The following TMEM131L variants were observed in gnomAD, a reference collection of about 807,000 sequenced individuals.
TMEM131L encodes the protein transmembrane 131 like, also known as transmembrane protein 131-like.
A neutral mutation model predicts 192.2 loss-of-function variants in TMEM131L; 54 were observed. The observed-to-expected ratio is 0.28, with a 90% CI of 0.23 to 0.35. The LOEUF (loss-of-function observed/expected upper bound fraction) is 0.35. Ranked by LOEUF, TMEM131L falls within the 10% of genes least tolerant of loss-of-function variation. The pLI, the probability that TMEM131L is intolerant of heterozygous loss-of-function variation, is 1.00. For synonymous variants in TMEM131L, 701 were observed against 704.9 expected (o/e 0.99, Z 0.09); for missense variants, 1,888 against 1,972.9 (o/e 0.96, Z 0.82).
chr4:153,501,860 C>T (rs1733629132), intron 3 of TMEM131L, among the ~76,000 whole-genome samples: 5 of 152,056 alleles, frequency 3.3e-5, no homozygotes, highest in Admixed American at 3.3e-4. Context: ...ATCTTCATTT[C>T]CCCTCCAGGA....
At chr4:153,554,915 A>G (rs1737881090) in intron 4 of TMEM131L, among the ~76,000 whole-genome samples, 1 of 152,220 alleles carries the variant, frequency 6.6e-6, no homozygotes, top group Non-Finnish European at 1.5e-5. Flanking sequence ...CCTTTATCAG[A>G]GCCGAGACAT....
chr4:153,598,282 T>C (rs1010728230), intron 20 of TMEM131L, among the ~76,000 whole-genome samples: 1 of 152,120 alleles, frequency 6.6e-6, no homozygotes. Flanking sequence ...TACCCTGGTT[T>C]CTAGTTATTA....
chr4:153,585,354 A>C, intron 12 of TMEM131L, 104 bp from the exon 13 acceptor site: 1 of 1,120,780 alleles, frequency 8.9e-7, no homozygotes, highest in Non-Finnish European at 1.3e-6. Flanking sequence ...GCTTTCATTT[A>C]GTAACGTTTT....
chr4:153,527,377 A>G (rs1426958662), intron 3 of TMEM131L, among the ~76,000 whole-genome samples: 1 of 151,950 alleles, frequency 6.6e-6, no homozygotes, highest in African/African-American at 2.4e-5. Context: ...GGTTCAAGCA[A>G]TTCTCCCACC....
At chr4:153,553,652 G>A (rs1737799646) in intron 4 of TMEM131L, among the ~76,000 whole-genome samples, 1 of 152,064 alleles carries the variant, frequency 6.6e-6, no homozygotes, top group Non-Finnish European at 1.5e-5. Flanking sequence ...TGTTGGCCTC[G>A]AGCAAATCCC....
chr4:153,624,892 C>T (rs1314666936), intron 29 of TMEM131L, among the ~76,000 whole-genome samples: 1 of 152,234 alleles, frequency 6.6e-6, no homozygotes, highest in African/African-American at 2.4e-5. Context: ...GTCTGAGAGA[C>T]TAGTGCAGTA....
chr4:153,521,477 T>A (rs1297414916), intron 3 of TMEM131L, among the ~76,000 whole-genome samples: 1 of 152,242 alleles, frequency 6.6e-6, no homozygotes. Context: ...AATACATTCC[T>A]GAAAACTGTT....
At chr4:153,499,953 T>A (rs79478191) in intron 3 of TMEM131L, among the ~76,000 whole-genome samples, 6 of 139,926 alleles carry the variant, frequency 4.3e-5, no homozygotes, top group African/African-American at 6.2e-5. Flanking sequence ...TTTACCTAAA[T>A]TTTTTTTTTT....
chr4:153,504,566 G>C (rs904567241), intron 3 of TMEM131L, among the ~76,000 whole-genome samples: 1 of 152,132 alleles, frequency 6.6e-6, no homozygotes, highest in Non-Finnish European at 1.5e-5. Flanking sequence ...GGGATTACAG[G>C]CGTGAGCCAC....
intron 3 of TMEM131L, among the ~76,000 whole-genome samples, chr4:153,477,035 G>C (rs1731589241): frequency 6.6e-6 from 1 of 152,184 alleles, no homozygotes; most frequent in Admixed American, 6.5e-5. Flanking sequence ...GTTGATATCA[G>C]GGTAGGGGGT....
At position 153,602,295 on chromosome 4, in the gene TMEM131L, C is replaced by A; in HGVS notation, c.2410C>A (p.Gln804Lys). Residue 804 changes from glutamine (Q) to lysine (K), a missense_variant, in exon 22 of 35, where the codon CAG (glutamine) becomes AAG (lysine). Gln to Lys is a moderately conservative substitution (Grantham distance 53, BLOSUM62 1). Transcript: ENST00000409959. ...GYGFEVLDCHQFSLDPNTSRD... is the reference protein window; with the variant it reads ...GYGFEVLDCHKFSLDPNTSRD... ...TGGATTCGAGGTGCTGGATTGTCATCAGTTTTCCCTGGACCCAAACACATC... is the reference window on the plus strand; with the variant it reads ...TGGATTCGAGGTGCTGGATTGTCATAAGTTTTCCCTGGACCCAAACACATC... 6.2e-7 allele frequency: 1 copy of A among 1,613,690 alleles called. No homozygotes were observed. The highest frequency in any genetic ancestry group is 1.1e-5 in the South Asian group (1 of 90,908).
intron 3 of TMEM131L, among the ~76,000 whole-genome samples, chr4:153,512,782 T>G (rs1734446764): frequency 6.6e-6 from 1 of 152,096 alleles, no homozygotes; most frequent in African/African-American, 2.4e-5. Context: ...CTCAGCTAAT[T>G]TTTTGTGTTT....
intron 14 of TMEM131L, 115 bp from the exon 15 acceptor site, chr4:153,587,627 G>GT (rs1337803686): frequency 1.3e-6 from 1 of 788,404 alleles, no homozygotes; most frequent in Non-Finnish European, 2.2e-6. Flanking sequence ...TTGGCTCGTG[G>GT]TTAAAGGGAA....
At chr4:153,505,359 A>G (rs574013255) in intron 3 of TMEM131L, among the ~76,000 whole-genome samples, 315 of 151,556 alleles carry the variant, frequency 2.1e-3, no homozygotes, top group African/African-American at 7.3e-3. Context: ...ACCCGCTTCA[A>G]CCTCCCAAAG....
At position 153,621,752 on chromosome 4, in the gene TMEM131L, C is replaced by G; in HGVS notation, c.3762C>G (p.Ile1254Met). ...AGAGGTCTGAGCTGAGCAGTGACAT[C>G]AATGTAAGAAGCTGGTGTATACAGG... is the stretch of plus-strand genomic sequence containing the variant. Reference protein sequence around the residue: ...DFERSELSSDINVRSWCIQES... With the variant: ...DFERSELSSDMNVRSWCIQES... The change falls in exon 28 of 35, where the codon ATC (isoleucine) becomes ATG (methionine). Residue 1254 changes from isoleucine (I) to methionine (M), a missense_variant. By Grantham distance (10) the Ile-to-Met change is conservative (BLOSUM62 1). Coordinates refer to ENST00000409959, the MANE Select transcript of TMEM131L (RefSeq NM_001131007.2). 1 of 1,614,036 alleles carries G rather than the reference C, an allele frequency of 6.2e-7. No homozygotes were observed.
chr4:153,600,381 AAAC>A (rs1160494366), intron 21 of TMEM131L, among the ~76,000 whole-genome samples: 83 of 151,600 alleles, frequency 5.5e-4, no homozygotes, highest in African/African-American at 1.7e-3. Flanking sequence ...AAAAAAAAAA[AAAC>A]ATCAAAAATA....
intron 3 of TMEM131L, among the ~76,000 whole-genome samples, chr4:153,532,019 T>G (rs1417285249): frequency 1.3e-5 from 2 of 152,240 alleles, no homozygotes; most frequent in Non-Finnish European, 2.9e-5. Flanking sequence ...TAGTAGAGCC[T>G]GCTTGATTGA....
intron 3 of TMEM131L, among the ~76,000 whole-genome samples, chr4:153,512,491 A>G (rs1463077213): frequency 6.6e-6 from 1 of 152,210 alleles, no homozygotes; most frequent in African/African-American, 2.4e-5. Context: ...TTTAACAGAA[A>G]AGAATACTTG....
intron 3 of TMEM131L, among the ~76,000 whole-genome samples, chr4:153,494,089 G>A (rs1435994927): frequency 6.6e-6 from 1 of 151,994 alleles, no homozygotes; most frequent in Non-Finnish European, 1.5e-5. Context: ...CCAGCTATGT[G>A]ATCTTGAGCC....
Sources: gnomAD v4.1 joint callset for allele counts (sites outside exome capture counted in the v4.1 genomes callset) on GRCh38, gnomAD v4.1.1 for gene constraint, MANE v1.5 for transcripts, NCBI Gene and HGNC (gene_info 2026-07-23, HGNC 2026-07-21) for gene names.